Variants in PRKCH observed in about 807,000 individuals in gnomAD.
PRKCH encodes the protein protein kinase C eta type.
A neutral mutation model predicts 82.5 loss-of-function variants in PRKCH; 28 were observed. That is an observed-to-expected ratio of 0.34 (90% CI 0.25 to 0.47). The LOEUF is 0.47. Ranked by LOEUF, PRKCH falls within the 20% of genes least tolerant of loss-of-function variation. The pLI is 1.00. For missense variants in PRKCH, 705 were observed against 881.8 expected, an observed-to-expected ratio of 0.80 and a Z score of 2.54; for synonymous variants, 322 against 327.4, an observed-to-expected ratio of 0.98 and a Z score of 0.18.
intron 1 of PRKCH, among the ~76,000 whole-genome samples, chr14:61,256,537 A>G (rs528732822): frequency 2.0e-5 from 3 of 152,328 alleles, no homozygotes; most frequent in Non-Finnish European, 2.9e-5. Context: ...GCTTTGGGTT[A>G]GTAGAAATTA....
chr14:61,296,874 G>T (rs1345138313), intron 1 of PRKCH, among the ~76,000 whole-genome samples: 1 of 152,116 alleles, frequency 6.6e-6, no homozygotes, highest in Non-Finnish European at 1.5e-5. Flanking sequence ...ATGGTTTCAG[G>T]TTTGTCATGA....
At chr14:61,472,635 G>C (rs1023927913) in intron 9 of PRKCH, among the ~76,000 whole-genome samples, 1 of 152,156 alleles carries the variant, frequency 6.6e-6, no homozygotes, top group African/African-American at 2.4e-5. Context: ...GGCTGCATTA[G>C]CGAACTGGGA....
intron 1 of PRKCH, among the ~76,000 whole-genome samples, chr14:61,251,911 C>T (rs2044950299): frequency 2.6e-5 from 4 of 152,062 alleles, no homozygotes; most frequent in Admixed American, 1.3e-4. Flanking sequence ...ACAATCTTGG[C>T]TCACTGTAAC....
At chr14:61,435,230 T>G (rs1883619188) in intron 2 of PRKCH, among the ~76,000 whole-genome samples, 1 of 152,206 alleles carries the variant, frequency 6.6e-6, no homozygotes, top group South Asian at 2.1e-4. Context: ...TGTAATCCCC[T>G]GGTGCATCTG....
intron 2 of PRKCH, among the ~76,000 whole-genome samples, chr14:61,393,368 C>A (rs2046716852): frequency 6.6e-6 from 1 of 152,192 alleles, no homozygotes; most frequent in Admixed American, 6.5e-5. Context: ...GAATTAACAT[C>A]TTAACAATCT....
At chr14:61,410,532 G>C (rs1882210431) in intron 2 of PRKCH, among the ~76,000 whole-genome samples, 1 of 152,148 alleles carries the variant, frequency 6.6e-6, no homozygotes, top group South Asian at 2.1e-4. Context: ...TAGGGGTATT[G>C]GGGTGATGCT....
chr14:61,275,400 A>G (rs1481552172), intron 1 of PRKCH, among the ~76,000 whole-genome samples: 2 of 152,236 alleles, frequency 1.3e-5, no homozygotes, highest in African/African-American at 2.4e-5. Context: ...AGAAGAACAA[A>G]GTATCATTAT....
chr14:61,367,346 G>A (rs905472191), intron 1 of PRKCH, among the ~76,000 whole-genome samples: 5 of 139,548 alleles, frequency 3.6e-5, no homozygotes, highest in African/African-American at 9.1e-5. Context: ...CAGGTATTGC[G>A]TGTGTGTGTG....
At chr14:61,328,326 A>C (rs2140123888) in intron 1 of PRKCH, among the ~76,000 whole-genome samples, 1 of 144,708 alleles carries the variant, frequency 6.9e-6, no homozygotes, top group South Asian at 2.3e-4. Context: ...ATGGTAATGG[A>C]TTGAAAACCT....
intron 12 of PRKCH, among the ~76,000 whole-genome samples, chr14:61,541,169 CT>C (rs1382306416): frequency 7.9e-5 from 12 of 152,270 alleles, no homozygotes; most frequent in African/African-American, 2.9e-4. Context: ...GTCTCCAGAT[CT>C]CCCCAACAGC....
At chr14:61,499,553 T>C (rs1030827873) in intron 10 of PRKCH, among the ~76,000 whole-genome samples, 1 of 152,166 alleles carries the variant, frequency 6.6e-6, no homozygotes, top group African/African-American at 2.4e-5. Context: ...AGAGTAGCCA[T>C]GTAAGCCTGT....
intron 9 of PRKCH, chr14:61,463,461 C>A (rs1409512830): frequency 6.6e-6 from 1 of 151,532 alleles, no homozygotes; most frequent in East Asian, 1.9e-4. Context: ...GGTTTATGAA[C>A]CCATAGATTA....
intron 2 of PRKCH, among the ~76,000 whole-genome samples, chr14:61,416,409 GTTGT>G (rs1401398898): frequency 1.3e-5 from 2 of 152,108 alleles, no homozygotes; most frequent in East Asian, 3.8e-4. Context: ...TAGATCACAT[GTTGT>G]TTGTTTATTC....
intron 9 of PRKCH, among the ~76,000 whole-genome samples, chr14:61,464,906 T>A (rs1336231526): frequency 6.6e-6 from 1 of 152,226 alleles, no homozygotes; most frequent in Non-Finnish European, 1.5e-5. Context: ...ATATACCCAG[T>A]AATGGGATTG....
intron 12 of PRKCH, among the ~76,000 whole-genome samples, chr14:61,536,220 G>A (rs2140017452): frequency 6.6e-6 from 1 of 152,244 alleles, no homozygotes; most frequent in South Asian, 2.1e-4. Flanking sequence ...AGTGGTTTTA[G>A]CACAACTCAT....
chr14:61,510,349 G>A (rs866071722), intron 10 of PRKCH, among the ~76,000 whole-genome samples: 1 of 152,118 alleles, frequency 6.6e-6, no homozygotes, highest in Admixed American at 6.5e-5. Flanking sequence ...AGTTCAAGTA[G>A]GAGGTCTTCT....
intron 12 of PRKCH, among the ~76,000 whole-genome samples, chr14:61,545,646 T>C (rs1398502460): frequency 6.6e-6 from 1 of 152,238 alleles, no homozygotes; most frequent in Non-Finnish European, 1.5e-5. Flanking sequence ...ACAAAACTGC[T>C]TGGTTATTCA....
At chr14:61,517,882 G>T (rs889609222) in intron 10 of PRKCH, among the ~76,000 whole-genome samples, 3 of 152,298 alleles carry the variant, frequency 2.0e-5, no homozygotes, top group Non-Finnish European at 4.4e-5. Context: ...TACCTATCCT[G>T]TTCCTGGCTG....
Position 61,362,973 on chromosome 14 carries a change from C to T in PRKCH, c.364-28252C>T, listed in dbSNP as rs187577500. 2.7e-3 allele frequency among the ~76,000 whole-genome samples: 413 copies of T among 152,290 alleles called. 1 individual carries two copies. The highest frequency in any genetic ancestry group is 4.6e-3 in the Non-Finnish European group (313 of 68,026). ...AAGAAGGGAGGTTAGGGCAAGACTT[C>T]CTGGAGAAGTCGCCTAGACGGAGTC... is the stretch of plus-strand genomic sequence containing the variant. On this transcript the variant is annotated intron_variant, in intron 1 of 13. Transcript: ENST00000332981.
Sources: gnomAD v4.1 joint callset for allele counts (sites outside exome capture counted in the v4.1 genomes callset) on GRCh38, gnomAD v4.1.1 for gene constraint, MANE v1.5 for transcripts, NCBI Gene and HGNC (gene_info 2026-07-23, HGNC 2026-07-21) for gene names.